PRELID2: variants seen among roughly 807,000 people sequenced by gnomAD.
The protein encoded by PRELID2 is PRELI domain containing 2, also known as PRELI domain-containing protein 2.
A neutral mutation model predicts 28.4 loss-of-function variants in PRELID2; 25 were observed. That is an observed-to-expected ratio of 0.88 (90% CI 0.64 to 1.23). The LOEUF is 1.23. Ranked by LOEUF, PRELID2 falls within the 50% of genes most tolerant of loss-of-function variation. PRELID2 has a pLI of 0.00. For synonymous variants in PRELID2, 76 were observed against 71.6 expected (o/e 1.06, Z -0.31); for missense variants, 201 against 214.4 (o/e 0.94, Z 0.39).
intron 5 of PRELID2, among the ~76,000 whole-genome samples, chr5:145,778,049 G>A (rs965264599): frequency 5.9e-5 from 9 of 152,184 alleles, no homozygotes; most frequent in African/African-American, 2.2e-4. Flanking sequence ...GGGCGGGGCT[G>A]CCAGTCCCAC....
At chr5:145,557,821 C>G (rs1752893671) in intron 1 of PRELID2, among the ~76,000 whole-genome samples, 1 of 152,148 alleles carries the variant, frequency 6.6e-6, no homozygotes, top group African/African-American at 2.4e-5. Flanking sequence ...AAGTTTGAAC[C>G]CAGAGAGGCT....
At chr5:145,272,740 A>G in the PRELID2 span, among the ~76,000 whole-genome samples, 1 of 152,200 alleles carries the variant, frequency 6.6e-6, no homozygotes, top group Non-Finnish European at 1.5e-5. Flanking sequence ...TTAGTACTCT[A>G]TAATTTTAGA....
At chr5:145,273,051 C>T in the PRELID2 span, among the ~76,000 whole-genome samples, 2 of 152,166 alleles carry the variant, frequency 1.3e-5, no homozygotes, top group East Asian at 1.9e-4. Flanking sequence ...GGATCTTGAT[C>T]GCCATGCTGG....
intron 1 of PRELID2, among the ~76,000 whole-genome samples, chr5:145,513,333 G>A (rs577395199): frequency 1.5e-4 from 22 of 151,696 alleles, no homozygotes; most frequent in Admixed American, 5.3e-4. Context: ...CAAGAACTTC[G>A]TGAAGCATAC....
intron 5 of PRELID2, among the ~76,000 whole-genome samples, chr5:145,783,574 C>T (rs1311264328): frequency 6.6e-6 from 1 of 152,138 alleles, no homozygotes; most frequent in East Asian, 1.9e-4. Context: ...TCAACTAAAT[C>T]AATCTATCTG....
chr5:145,390,113 C>G, the PRELID2 span, among the ~76,000 whole-genome samples: 1 of 152,142 alleles, frequency 6.6e-6, no homozygotes, highest in Admixed American at 6.5e-5. Flanking sequence ...GAGGTAAGGA[C>G]AGTGGAAGTA....
rs1313089100 is a variant in PRELID2, at chr5:145,817,400, C to T, written c.368+494G>A. Among the ~76,000 whole-genome samples the T allele has an allele frequency of 3.8e-5, 3 of 78,286 alleles. No individual in the cohort carries two copies. The Admixed American group carries it at 4.6e-4, about 12-fold the overall frequency. The allele number at this position is 78,286 out of a possible 152,430, so 51.4% of individuals were successfully genotyped here. On this transcript the variant is annotated intron_variant, in intron 4 of 6. Coordinates refer to ENST00000683046, the MANE Select transcript of PRELID2 (RefSeq NM_205846.3). ...TATAGTCACAGGATTGAATTATATGCAATAAAGGAATAAGCTAGTTTTATA... is the reference window on the plus strand; with the variant it reads ...TATAGTCACAGGATTGAATTATATGTAATAAAGGAATAAGCTAGTTTTATA...
chr5:145,690,470 C>T (rs1408210912), intron 1 of PRELID2, among the ~76,000 whole-genome samples: 2 of 152,166 alleles, frequency 1.3e-5, no homozygotes, highest in Non-Finnish European at 2.9e-5. Context: ...GGACTGTTCT[C>T]CATCTGAAAC....
At chr5:145,663,308 T>C (rs1382726647) in intron 1 of PRELID2, among the ~76,000 whole-genome samples, 4 of 152,156 alleles carry the variant, frequency 2.6e-5, no homozygotes, top group Non-Finnish European at 5.9e-5. Context: ...CTCAAATTCC[T>C]TTCCAGCATA....
chr5:145,750,014 A>C (rs185961990), intron 1 of PRELID2, among the ~76,000 whole-genome samples: 1 of 152,178 alleles, frequency 6.6e-6, no homozygotes, highest in Admixed American at 6.5e-5. Context: ...TGATACGTGC[A>C]GCAAACCACC....
chr5:145,365,496 G>T, the PRELID2 span, among the ~76,000 whole-genome samples: 3 of 151,976 alleles, frequency 2.0e-5, no homozygotes, highest in Admixed American at 1.3e-4. Flanking sequence ...ATTTGTTCAT[G>T]TGTGGGTATT....
intron 5 of PRELID2, among the ~76,000 whole-genome samples, chr5:145,767,520 C>T (rs1452516799): frequency 6.6e-6 from 1 of 152,176 alleles, no homozygotes; most frequent in African/African-American, 2.4e-5. Flanking sequence ...CTATGAATGA[C>T]AAAGCTAAAA....
the PRELID2 span, among the ~76,000 whole-genome samples, chr5:145,376,219 T>C: frequency 6.6e-6 from 1 of 152,204 alleles, no homozygotes; most frequent in African/African-American, 2.4e-5. Context: ...TATGTTGAAC[T>C]ATCCTTGCAT....
At position 145,525,076 on chromosome 5, in the gene PRELID2, A is replaced by T. The variant is rs570448006; in HGVS notation, n.71-51761T>A. 1.6e-3 allele frequency among the ~76,000 whole-genome samples: 244 copies of T among 152,330 alleles called. 1 individual carries two copies. The highest frequency in any genetic ancestry group is 0.01 in the Middle Eastern group (3 of 294). ...AGATTAGTCACTGAACATTTATTCT[A>T]TGCCATTGGGCTGTGTTATCTCATT... On this transcript the variant is annotated intron_variant and non_coding_transcript_variant, in intron 1 of 2. Coordinates refer to the PRELID2 transcript ENST00000510259.
intron 1 of PRELID2, among the ~76,000 whole-genome samples, chr5:145,566,203 G>A (rs1752966182): frequency 6.6e-6 from 1 of 152,204 alleles, no homozygotes; most frequent in Admixed American, 6.5e-5. Flanking sequence ...GTCAACCAAA[G>A]AGAAATAGGG....
At chr5:145,351,055 A>G in the PRELID2 span, among the ~76,000 whole-genome samples, 6 of 152,220 alleles carry the variant, frequency 3.9e-5, no homozygotes, top group Non-Finnish European at 8.8e-5. Flanking sequence ...GAGTAGGTGC[A>G]ATATACCACA....
At chr5:145,625,614 A>C (rs1753834917) in intron 1 of PRELID2, among the ~76,000 whole-genome samples, 1 of 152,176 alleles carries the variant, frequency 6.6e-6, no homozygotes, top group Non-Finnish European at 1.5e-5. Flanking sequence ...TGTGTGGAGA[A>C]AACATAATGT....
the PRELID2 span, among the ~76,000 whole-genome samples, chr5:145,324,003 T>C: frequency 4.7e-4 from 71 of 152,330 alleles, no homozygotes; most frequent in African/African-American, 1.7e-3. Context: ...CTGGGTCAAA[T>C]GGTAATTCTA....
intron 3 of PRELID2, 148 bp from the exon 4 acceptor site, chr5:145,818,202 T>G (rs1297766351): frequency 3.7e-6 from 3 of 805,612 alleles, no homozygotes; most frequent in Non-Finnish European, 5.8e-6. Context: ...TGTACGTTTT[T>G]GATAATCAAA....
Sources: gnomAD v4.1 joint callset for allele counts (sites outside exome capture counted in the v4.1 genomes callset) on GRCh38, gnomAD v4.1.1 for gene constraint, MANE v1.5 for transcripts, NCBI Gene and HGNC (gene_info 2026-07-23, HGNC 2026-07-21) for gene names.